CLINT1: variants seen among roughly 807,000 people sequenced by gnomAD.
CLINT1 encodes the protein clathrin interacting protein localized in the trans-Golgi region.
A neutral mutation model predicts 70.4 loss-of-function variants in CLINT1; 15 were observed. The ratio of observed to expected loss-of-function variants is 0.21; its 90% CI spans 0.14 to 0.33. The LOEUF (loss-of-function observed/expected upper bound fraction) is 0.33. CLINT1 is among the 10% of genes least tolerant of loss of function. CLINT1 has a pLI of 1.00. For synonymous variants in CLINT1, 227 were observed against 254.7 expected (o/e 0.89, Z 1.04); for missense variants, 615 against 778.1 (o/e 0.79, Z 2.49).
chr5:157,790,729 A>T (rs1351174319), intron 10 of CLINT1: 1 of 427,754 alleles, frequency 2.3e-6, no homozygotes, highest in Admixed American at 2.7e-5. Context: ...AGTTCCTGGT[A>T]CCATTCAGAC....
rs908360023 is a variant in CLINT1, at chr5:157,787,904, T to C, written c.1620A>G (p.Gln540=). 8.7e-6 allele frequency: 14 copies of C among 1,613,578 alleles called. No homozygotes were observed. Among genetic ancestry groups the C allele is most frequent in the East Asian group, 4.5e-5 (2 of 44,868 alleles). Residue 540 remains glutamine, a synonymous_variant, in exon 12 of 12, where the codon CAA becomes CAG. Coordinates refer to ENST00000411809, the MANE Select transcript of CLINT1 (RefSeq NM_014666.4). ...TGGGTCCCCCTATCAAAGCATTAGT[T>C]TGGGGCCGGACAGGAAGCATGTTCG... ...SPSNMLPVRP[Q]TNALIGGPMP...
intron 6 of CLINT1, among the ~76,000 whole-genome samples, chr5:157,807,496 A>C (rs1170778147): frequency 1.3e-5 from 2 of 152,132 alleles, no homozygotes; most frequent in Non-Finnish European, 2.9e-5. Flanking sequence ...TCCTGAATGT[A>C]ATAGTGAACT....
At chr5:157,807,758 A>C (rs989731742) in intron 6 of CLINT1, among the ~76,000 whole-genome samples, 1 of 152,130 alleles carries the variant, frequency 6.6e-6, no homozygotes, top group African/African-American at 2.4e-5. Flanking sequence ...AACAGAAATA[A>C]AAGAAGAGTA....
chr5:157,820,092 T>G (rs1450800120), intron 1 of CLINT1, among the ~76,000 whole-genome samples: 3 of 152,180 alleles, frequency 2.0e-5, no homozygotes, highest in African/African-American at 7.2e-5. Context: ...CACAGGAGGA[T>G]ATGGCAAACA....
intron 1 of CLINT1, among the ~76,000 whole-genome samples, chr5:157,829,601 C>T (rs1030490133): frequency 6.6e-6 from 1 of 151,254 alleles, no homozygotes; most frequent in South Asian, 2.1e-4. Flanking sequence ...CAGCTCACTG[C>T]AGCCTCAACC....
intron 10 of CLINT1, 59 bp from the exon 11 acceptor site, chr5:157,789,572 A>T: frequency 6.2e-7 from 1 of 1,610,360 alleles, no homozygotes; most frequent in Non-Finnish European, 8.5e-7. Flanking sequence ...CAAAGGCTGG[A>T]AAATAGAAAA....
At chr5:157,817,058 T>A (rs1762741537) in intron 2 of CLINT1, among the ~76,000 whole-genome samples, 1 of 152,156 alleles carries the variant, frequency 6.6e-6, no homozygotes, top group Non-Finnish European at 1.5e-5. Context: ...AATTAATAAT[T>A]AATTAAATTA....
chr5:157,807,750 CAG>C (rs1158146850), intron 6 of CLINT1, among the ~76,000 whole-genome samples: 1 of 151,794 alleles, frequency 6.6e-6, no homozygotes, highest in Non-Finnish European at 1.5e-5. Context: ...ATGGGAGAAA[CAG>C]AAATAAAAGA....
In CLINT1 at chr5:157,787,927, T is replaced by C. The variant is rs1463258936; in HGVS notation, c.1597A>G (p.Asn533Asp). The C allele has an allele frequency of 6.2e-7, 1 of 1,613,270 alleles. No individual in the cohort carries two copies. Among genetic ancestry groups the C allele is most frequent in the South Asian group, 1.1e-5 (1 of 90,944 alleles). Residue 533 changes from asparagine (N) to aspartate (D), a missense_variant, in exon 12 of 12, where the codon AAC becomes GAC. Physicochemically the swap from Asn to Asp is conservative, Grantham distance 23 (BLOSUM62 1). This residue lies in a region of CLINT1 where 374 missense variants were observed against 409.6 expected (regional missense o/e 0.91). Coordinates refer to ENST00000411809, the MANE Select transcript of CLINT1 (RefSeq NM_014666.4). ...GTTTGGGGCCGGACAGGAAGCATGT[T>C]CGATGGAGAACTGAGGTTCACAGCT... ...FGAVNLSSPS[N>D]MLPVRPQTNA...
At chr5:157,855,163 G>GGGC (rs1554103617) in intron 1 of CLINT1, among the ~76,000 whole-genome samples, 1 of 86,148 alleles carries the variant, frequency 1.2e-5, no homozygotes, top group African/African-American at 4.5e-5. Flanking sequence ...AAGGCGGGGG[G>GGGC]GGGGGCGGGT....
At chr5:157,819,341 T>C (rs1471604416) in intron 1 of CLINT1, among the ~76,000 whole-genome samples, 1 of 152,228 alleles carries the variant, frequency 6.6e-6, no homozygotes, top group Non-Finnish European at 1.5e-5. Context: ...CCTCCTAAGA[T>C]ATCAATTAAT....
rs369782991 is a variant in CLINT1, at chr5:157,831,617, G to A, written c.42-14070C>T. Among the ~76,000 whole-genome samples the A allele has an allele frequency of 3.3e-5, 5 of 151,924 alleles. No homozygotes were observed. The South Asian group carries it at 1.0e-3, about 32-fold the overall frequency. ...TAAAGAGGTAACATTGTTCATAGGGGCCAATTAAATATGTATAGGATATAG... is the reference window on the plus strand; with the variant it reads ...TAAAGAGGTAACATTGTTCATAGGGACCAATTAAATATGTATAGGATATAG... On this transcript the variant is annotated intron_variant, in intron 1 of 11. Coordinates refer to ENST00000411809, the MANE Select transcript of CLINT1 (RefSeq NM_014666.4).
In CLINT1 at chr5:157,786,071, A is replaced by C. The variant is rs1388694362; in HGVS notation, c.*1575T>G. ...AGTACATGAATTTCTGCCTAATTAG[A>C]AATGTTGTAGATGGAACATTAGCAA... On this transcript the variant is annotated 3_prime_UTR_variant, in exon 12 of 12. Coordinates refer to ENST00000411809, the MANE Select transcript of CLINT1 (RefSeq NM_014666.4). The C allele has an allele frequency of 6.6e-6, 1 of 152,214 alleles. No individual in the cohort carries two copies. The highest frequency in any genetic ancestry group is 2.4e-5 in the African/African-American group (1 of 41,464). The allele number at this position is 152,214 out of a possible 1,614,324, so 9.4% of individuals were successfully genotyped here. A position where few individuals can be genotyped will look rare whatever the true frequency, so the allele number is the denominator to read the frequency against.
chr5:157,790,149 A>T, intron 10 of CLINT1: 2 of 162,490 alleles, frequency 1.2e-5, no homozygotes, highest in Non-Finnish European at 1.3e-5. Context: ...TGCAGTGAGC[A>T]GAGATCGTGC....
At chr5:157,841,573 A>T (rs1753180270) in intron 1 of CLINT1, among the ~76,000 whole-genome samples, 1 of 152,196 alleles carries the variant, frequency 6.6e-6, no homozygotes. Flanking sequence ...CTCAAAAAAA[A>T]AGAAAAAAGA....
At chr5:157,829,515 CAA>C (rs1202801825) in intron 1 of CLINT1, among the ~76,000 whole-genome samples, 1 of 151,706 alleles carries the variant, frequency 6.6e-6, no homozygotes, top group African/African-American at 2.4e-5. Flanking sequence ...TGTGAGTCTC[CAA>C]GAGAGATAAT....
chr5:157,807,370 C>CT (rs1762419807), intron 6 of CLINT1, among the ~76,000 whole-genome samples: 1 of 152,068 alleles, frequency 6.6e-6, no homozygotes, highest in East Asian at 1.9e-4. Flanking sequence ...AAATTTCTTA[C>CT]TTTTTTGGTG....
intron 10 of CLINT1, chr5:157,789,776 T>TAC: frequency 1.8e-6 from 1 of 557,860 alleles, no homozygotes; most frequent in East Asian, 3.0e-5. Context: ...ACAACTTACC[T>TAC]ACACTAACAA....
At chr5:157,840,105 G>A (rs932534790) in intron 1 of CLINT1, among the ~76,000 whole-genome samples, 1 of 137,530 alleles carries the variant, frequency 7.3e-6, no homozygotes, top group Non-Finnish European at 1.5e-5. Context: ...TAAGGCAGGA[G>A]AATAGCTTGA....
Sources: gnomAD v4.1 joint callset for allele counts (sites outside exome capture counted in the v4.1 genomes callset) on GRCh38, gnomAD v4.1.1 for gene constraint, gnomAD v4.1.1 regional missense constraint, MANE v1.5 for transcripts, NCBI Gene and HGNC (gene_info 2026-07-23, HGNC 2026-07-21) for gene names.